The following TFEC variants were observed in gnomAD, a reference collection of about 807,000 sequenced individuals.
TFEC encodes transcription factor EC, also known as class E basic helix-loop-helix protein 34.
A neutral mutation model predicts 41.6 loss-of-function variants in TFEC; 31 were observed. The ratio of observed to expected loss-of-function variants is 0.74; its 90% CI spans 0.56 to 1.01. The LOEUF (loss-of-function observed/expected upper bound fraction) is 1.01. TFEC is among the 50% of genes least tolerant of loss of function. The pLI, the probability that TFEC is intolerant of heterozygous loss-of-function variation, is 0.00. For missense variants in TFEC, 402 were observed against 404.1 expected (o/e 0.99, Z 0.04); for synonymous variants, 143 against 140.6 (o/e 1.02, Z -0.12).
chr7:116,128,480 C>T (rs1036004491), intron 1 of TFEC, among the ~76,000 whole-genome samples: 1 of 151,988 alleles, frequency 6.6e-6, no homozygotes, highest in Non-Finnish European at 1.5e-5. Context: ...TTATATGAAA[C>T]AATTATGAGC....
chr7:116,127,098 T>A (rs898256868), intron 1 of TFEC, among the ~76,000 whole-genome samples: 1 of 149,996 alleles, frequency 6.7e-6, no homozygotes, highest in Non-Finnish European at 1.5e-5. Context: ...TTGTTTTTGT[T>A]TTTTGTTTTT....
rs1477398153 is a variant in TFEC, at chr7:115,935,580, T to A, written c.*4971A>T. 1.3e-5 allele frequency: 2 copies of A among 151,746 alleles called. No homozygotes were observed. The highest frequency in any genetic ancestry group is 4.8e-5 in the African/African-American group (2 of 41,436). The allele number at this position is 151,746 out of a possible 1,614,324, so 9.4% of individuals were successfully genotyped here. On this transcript the variant is annotated 3_prime_UTR_variant, in exon 8 of 8. Transcript: ENST00000265440. ...TCATATTTAAAGAACAATATGTAACTTCTTGATTATATATAATTCTTTCAG... is the reference window on the plus strand; with the variant it reads ...TCATATTTAAAGAACAATATGTAACATCTTGATTATATATAATTCTTTCAG...
At chr7:116,057,848 A>G (rs1410947066) in intron 3 of TFEC, among the ~76,000 whole-genome samples, 1 of 151,810 alleles carries the variant, frequency 6.6e-6, no homozygotes, top group Non-Finnish European at 1.5e-5. Flanking sequence ...AAAGAACCCT[A>G]AAGCAACCAT....
In TFEC at chr7:116,075,562, C is replaced by A. The variant is rs1310112594; in HGVS notation, c.198+35146G>T. On this transcript the variant is annotated intron_variant, in intron 3 of 8. Transcript: ENST00000484212. ...TGGGGCACAGTGGGAGTGAGACCAG[C>A]CTTTAAGACTGCCATCTGTGTGGGA... Among the ~76,000 whole-genome samples, 3 of 152,110 alleles carry A rather than the reference C, an allele frequency of 2.0e-5. No individual in the cohort carries two copies. In the South Asian group the frequency reaches 6.2e-4, roughly 31 times the overall value.
At chr7:116,080,670 A>G (rs947720758) in intron 3 of TFEC, among the ~76,000 whole-genome samples, 2 of 152,144 alleles carry the variant, frequency 1.3e-5, no homozygotes, top group Admixed American at 1.3e-4. Context: ...AAGAATGGCC[A>G]TATCAAAAAA....
rs372190420 is a variant in TFEC at position 115,985,949 on chromosome 7, A to G, written c.-72-1436T>C. Among the ~76,000 whole-genome samples the G allele has an allele frequency of 7.9e-5, 12 of 152,194 alleles. No homozygotes were observed. In the East Asian group the frequency reaches 9.6e-4, roughly 12 times the overall value. ...ACAAATCTGAATGATCTTTCACACT[A>G]TGCAACTGAATGCCAAAGAACATTG... On this transcript the variant is annotated intron_variant, in intron 1 of 7. Transcript: ENST00000265440.
At chr7:116,062,335 G>A (rs889242714) in intron 3 of TFEC, among the ~76,000 whole-genome samples, 4 of 139,396 alleles carry the variant, frequency 2.9e-5, no homozygotes, top group Non-Finnish European at 4.5e-5. Context: ...CACCCCACTT[G>A]GCCTCCCTAA....
chr7:116,093,244 T>C (rs543840195), intron 3 of TFEC, among the ~76,000 whole-genome samples: 3 of 152,214 alleles, frequency 2.0e-5, no homozygotes, highest in Non-Finnish European at 1.5e-5. Context: ...ATAGAATATA[T>C]ATGTTTGAAA....
chr7:116,120,804 TTTATA>T, intron 1 of TFEC, among the ~76,000 whole-genome samples: 1 of 152,028 alleles, frequency 6.6e-6, no homozygotes, highest in Non-Finnish European at 1.5e-5. Flanking sequence ...GAAATGCCAT[TTTATA>T]TCTTCACTAT....
intron 3 of TFEC, among the ~76,000 whole-genome samples, chr7:116,064,045 G>A (rs999653742): frequency 2.0e-5 from 3 of 152,144 alleles, no homozygotes; most frequent in Non-Finnish European, 4.4e-5. Context: ...CTCAATAGAA[G>A]TAGAGAGTAG....
At chr7:115,953,105 G>A (rs1792034400) in intron 5 of TFEC, among the ~76,000 whole-genome samples, 1 of 151,788 alleles carries the variant, frequency 6.6e-6, no homozygotes, top group South Asian at 2.1e-4. Context: ...TGAATGTACA[G>A]GACAGGGTGT....
At chr7:116,133,443 A>G (rs2116331440) in intron 1 of TFEC, among the ~76,000 whole-genome samples, 1 of 152,064 alleles carries the variant, frequency 6.6e-6, no homozygotes, top group South Asian at 2.1e-4. Flanking sequence ...CCAGCTACAC[A>G]GGGGACTGAG....
At chr7:116,022,277 G>T (rs748765736) in intron 1 of TFEC, among the ~76,000 whole-genome samples, 1 of 152,146 alleles carries the variant, frequency 6.6e-6, no homozygotes, top group African/African-American at 2.4e-5. Context: ...AAGAGAAAGA[G>T]AAATTTTAAG....
At chr7:115,966,777 C>T (rs1208003429) in intron 3 of TFEC, among the ~76,000 whole-genome samples, 1 of 151,592 alleles carries the variant, frequency 6.6e-6, no homozygotes, top group Non-Finnish European at 1.5e-5. Context: ...ATATTCTTTC[C>T]CACTGCTGTT....
At chr7:115,950,355 GAGTA>G (rs1245661231) in intron 6 of TFEC, among the ~76,000 whole-genome samples, 1 of 152,192 alleles carries the variant, frequency 6.6e-6, no homozygotes, top group African/African-American at 2.4e-5. Context: ...ATATTTACAA[GAGTA>G]AGTAATTTGT....
In TFEC at chr7:116,152,040, T is replaced by C. The variant is rs58036538; in HGVS notation, c.-69+7750A>G. Among the ~76,000 whole-genome samples the C allele has an allele frequency of 2.2e-3, 334 of 152,212 alleles. 7 individuals carry two copies. The East Asian group carries it at 0.059, about 27-fold the overall frequency. The stretch of plus-strand genomic sequence containing the variant: ...CTTTCTTATTGAGGGTGCAGAGTAA[T>C]ACTCATCTCTCCAAGTACACCTAGA... On this transcript the variant is annotated intron_variant, in intron 1 of 8. Transcript: ENST00000484212.
At position 115,942,078 on chromosome 7, in the gene TFEC, T is replaced by C. The variant is rs748077286; in HGVS notation, c.516-38A>G. ...GAGATAACCTTTTCACAATTGTGCA[T>C]GTCAGCAGAATTCATAAGAACTTAC... On this transcript the variant is annotated intron_variant, in intron 6 of 7. Coordinates refer to ENST00000265440, the MANE Select transcript of TFEC (RefSeq NM_012252.4). 4 of 1,560,854 alleles carry C rather than the reference T, an allele frequency of 2.6e-6. No homozygotes were observed. The Admixed American group carries it at 5.8e-5, about 23-fold the overall frequency.
chr7:116,156,332 G>C (rs767018665), intron 1 of TFEC, among the ~76,000 whole-genome samples: 2 of 152,144 alleles, frequency 1.3e-5, no homozygotes, highest in Non-Finnish European at 2.9e-5. Context: ...TGAAACATTT[G>C]TCTCTAAAAA....
intron 3 of TFEC, among the ~76,000 whole-genome samples, chr7:116,109,119 C>T (rs886257426): frequency 1.3e-5 from 2 of 151,654 alleles, no homozygotes; most frequent in African/African-American, 4.8e-5. Flanking sequence ...CCATAAAAAC[C>T]CTAGAAGAAA....
Sources: allele counts gnomAD v4.1 joint callset (sites outside exome capture counted in the v4.1 genomes callset), GRCh38; gene constraint gnomAD v4.1.1; transcripts MANE v1.5; gene names NCBI Gene and HGNC (gene_info 2026-07-23, HGNC 2026-07-21).